The following PRKCQ variants were observed in gnomAD, a reference collection of about 807,000 sequenced individuals.
PRKCQ encodes the protein protein kinase C theta, also known as protein kinase C theta type.
Under a neutral mutation model 91.2 loss-of-function variants are expected in PRKCQ, and 41 were observed. The ratio of observed to expected loss-of-function variants is 0.45; its 90% confidence interval spans 0.35 to 0.58. The LOEUF is 0.58. PRKCQ is among the 20% of genes least tolerant of loss of function. The pLI is 0.00. For missense variants in PRKCQ, 673 were observed against 896.5 expected (o/e 0.75, Z 3.18); for synonymous variants, 307 against 316.9 (o/e 0.97, Z 0.33).
Position 6,497,476 on chromosome 10 carries a change from A to T in PRKCQ, c.543-225T>A, listed in dbSNP as rs1326643971. ...ATAAATGAGAACTGGCTGATTTATC[A>T]TCCTTGTATTTTCCAAACATATAGA... On this transcript the variant is annotated intron_variant, in intron 5 of 17. Coordinates refer to ENST00000263125, the MANE Select transcript of PRKCQ (RefSeq NM_006257.5). This position sits in a 1 kb window ranked among gnomAD's most constrained non-coding sequence, Gnocchi z 4.5. 1.3e-5 allele frequency among the ~76,000 whole-genome samples: 2 copies of T among 152,234 alleles called. No individual in the cohort carries two copies. Among genetic ancestry groups the T allele is most frequent in the African/African-American group, 4.8e-5 (2 of 41,442 alleles).
At chr10:6,533,675 C>T (rs2130904197) in intron 1 of PRKCQ, among the ~76,000 whole-genome samples, 1 of 152,160 alleles carries the variant, frequency 6.6e-6, no homozygotes, top group South Asian at 2.1e-4. Flanking sequence ...GTTCTGGCAG[C>T]AAAAGAGATG....
chr10:6,518,765 C>T (rs619125), intron 1 of PRKCQ, among the ~76,000 whole-genome samples: 16,443 of 151,826 alleles, frequency 0.11, 1,169 homozygotes, highest in Middle Eastern at 0.23. Context: ...TTGCAGAGAG[C>T]CAAGATCATG....
chr10:6,394,854 A>T, the PRKCQ span, among the ~76,000 whole-genome samples: 1 of 146,744 alleles, frequency 6.8e-6, no homozygotes, highest in Non-Finnish European at 1.5e-5. Flanking sequence ...GTTCTTCCAC[A>T]CATACATCAT....
intron 1 of PRKCQ, among the ~76,000 whole-genome samples, chr10:6,554,775 C>T (rs1385618658): frequency 1.3e-5 from 2 of 152,184 alleles, no homozygotes; most frequent in African/African-American, 4.8e-5. Flanking sequence ...ACCATTTGAA[C>T]CTGCAATTCC....
chr10:6,458,414 A>G (rs1456787626), intron 14 of PRKCQ, among the ~76,000 whole-genome samples: 1 of 152,058 alleles, frequency 6.6e-6, no homozygotes, highest in Non-Finnish European at 1.5e-5. Context: ...CTTACACCCT[A>G]TGGGGCATCA....
intron 7 of PRKCQ, among the ~76,000 whole-genome samples, chr10:6,493,180 C>T (rs964466705): frequency 5.3e-5 from 8 of 152,194 alleles, no homozygotes; most frequent in African/African-American, 1.9e-4. Flanking sequence ...CAATGAGCTA[C>T]ATGGGGCTGG....
chr10:6,415,993 C>T, the PRKCQ span, among the ~76,000 whole-genome samples: 3 of 151,858 alleles, frequency 2.0e-5, no homozygotes, highest in Non-Finnish European at 4.4e-5. Flanking sequence ...GTGATATGCC[C>T]GACTCGACCT....
intron 1 of PRKCQ, among the ~76,000 whole-genome samples, chr10:6,567,387 A>G (rs1396120646): frequency 6.6e-6 from 1 of 152,278 alleles, no homozygotes; most frequent in Non-Finnish European, 1.5e-5. Context: ...TTCTGAAAGG[A>G]TAGCAGAACA....
chr10:6,549,744 C>T lies in PRKCQ; in HGVS notation c.-10+30467G>A, dbSNP rs565950728. On this transcript the variant is annotated intron_variant, in intron 1 of 17. Coordinates refer to ENST00000263125, the MANE Select transcript of PRKCQ (RefSeq NM_006257.5). ...CTCCCAGGCTCAAGAAATTCTCCCG[C>T]CTCAGCCTCCCGAGTAGCTGAGATT... Among the ~76,000 whole-genome samples the T allele has an allele frequency of 4.0e-5, 6 of 151,578 alleles. No homozygotes were observed. In the South Asian group the frequency reaches 1.0e-3, roughly 26 times the overall value.
chr10:6,501,685 A>G (rs1338655726), intron 4 of PRKCQ, among the ~76,000 whole-genome samples: 1 of 152,084 alleles, frequency 6.6e-6, no homozygotes, highest in Non-Finnish European at 1.5e-5. Flanking sequence ...TTAGCTGGGC[A>G]TGGTGGAACA....
intron 1 of PRKCQ, among the ~76,000 whole-genome samples, chr10:6,515,802 T>C (rs994291463): frequency 6.6e-6 from 1 of 152,120 alleles, no homozygotes; most frequent in Non-Finnish European, 1.5e-5. Context: ...AACAAAATAC[T>C]TCATAAAAGC....
intron 1 of PRKCQ, among the ~76,000 whole-genome samples, chr10:6,529,881 G>A (rs1839329068): frequency 6.6e-6 from 1 of 152,100 alleles, no homozygotes; most frequent in African/African-American, 2.4e-5. Flanking sequence ...TGGAAAAGAT[G>A]GCTACGATGA....
At chr10:6,404,805 C>G in the PRKCQ span, among the ~76,000 whole-genome samples, 1 of 132,946 alleles carries the variant, frequency 7.5e-6, no homozygotes, top group Non-Finnish European at 1.6e-5. Context: ...CCTTCTTTCT[C>G]TCTCTCTTTC....
At chr10:6,550,989 ATCTTC>A in intron 1 of PRKCQ, among the ~76,000 whole-genome samples, 1 of 152,264 alleles carries the variant, frequency 6.6e-6, no homozygotes. Context: ...AATGTTGAGC[ATCTTC>A]TCTTTTTTTT....
rs1564379006 is a variant in PRKCQ, at chr10:6,534,780, A to ATCTATC, written c.-9-19637_-9-19636insGATAGA. 9.7e-3 allele frequency among the ~76,000 whole-genome samples: 1,363 copies of ATCTATC among 140,256 alleles called. 19 individuals carry two copies. The highest frequency in any genetic ancestry group is 0.037 in the African/African-American group (1,280 of 34,228). 92.0% of individuals were successfully genotyped at this position (140,256 alleles called of 152,430 possible). A position where few individuals can be genotyped will look rare whatever the true frequency, so the allele number is the denominator to read the frequency against. The stretch of plus-strand genomic sequence containing the variant: ...GTTAAATAGAAACATATATCTATAT[A>ATCTATC]TATATATATATAGATATATATATAT... On this transcript the variant is annotated intron_variant, in intron 1 of 17. Transcript: ENST00000263125.
chr10:6,507,230 T>C (rs1838245653), intron 4 of PRKCQ, among the ~76,000 whole-genome samples: 1 of 152,232 alleles, frequency 6.6e-6, no homozygotes, highest in African/African-American at 2.4e-5. Flanking sequence ...ACAAGTGCTA[T>C]AAATGTTTTA....
chr10:6,567,024 G>A (rs1012426150), intron 1 of PRKCQ, among the ~76,000 whole-genome samples: 3 of 152,142 alleles, frequency 2.0e-5, no homozygotes, highest in Non-Finnish European at 4.4e-5. Context: ...CCAAGGTTCC[G>A]TCTGAGCTCT....
downstream of PRKCQ, among the ~76,000 whole-genome samples, chr10:6,424,611 C>A (rs1323160225): frequency 6.6e-6 from 1 of 152,210 alleles, no homozygotes; most frequent in African/African-American, 2.4e-5. Context: ...TGTTGGCCAT[C>A]ATTGATGGGT....
intron 3 of PRKCQ, 83 bp from the exon 4 acceptor site, chr10:6,507,579 CAGG>C: frequency 1.7e-6 from 2 of 1,179,694 alleles, no homozygotes; most frequent in Admixed American, 1.7e-5. Context: ...CTGACGATGG[CAGG>C]AGATTTCCAC....
Sources: allele counts gnomAD v4.1 joint callset (sites outside exome capture counted in the v4.1 genomes callset), GRCh38; gene constraint gnomAD v4.1.1; non-coding constraint Gnocchi (gnomAD v3.1); transcripts MANE v1.5; gene names NCBI Gene and HGNC (gene_info 2026-07-23, HGNC 2026-07-21).